The following RPL3 variants were observed in gnomAD, a reference collection of about 807,000 sequenced individuals.
RPL3 encodes the protein large ribosomal subunit protein uL3.
A neutral mutation model predicts 46.0 loss-of-function variants in RPL3; 3 were observed. That is an observed-to-expected ratio of 0.07 (90% confidence interval 0.03 to 0.17). The LOEUF is 0.17. Among genes scored for constraint, RPL3 ranks in the 10% least tolerant of loss-of-function variants. The pLI is 1.00. For synonymous variants in RPL3, 224 were observed against 190.8 expected, an observed-to-expected ratio of 1.17 and a Z score of -1.43; for missense variants, 387 against 532.7, an observed-to-expected ratio of 0.73 and a Z score of 2.69.
chr22:39,316,341 T>G (rs529269870), intron 4 of RPL3, among the ~76,000 whole-genome samples: 133 of 152,194 alleles, frequency 8.7e-4, no homozygotes, highest in African/African-American at 3.0e-3. Flanking sequence ...TCATCCGTGG[T>G]GGCCCTCACC....
At chr22:39,314,876 G>T (rs756774624) in intron 5 of RPL3, 30 bp from the exon 6 acceptor site, 4 of 1,602,264 alleles carry the variant, frequency 2.5e-6, no homozygotes, top group Non-Finnish European at 3.4e-6. Flanking sequence ...CTTCACCTCA[G>T]CGCCCAGCAC....
intron 1 of RPL3, 183 bp downstream of exon 1, chr22:39,319,412 C>T (rs1922911235): frequency 1.2e-6 from 1 of 822,180 alleles, no homozygotes; most frequent in Non-Finnish European, 2.0e-6. Flanking sequence ...AGCCAGTCCT[C>T]CAAGCGCTCT....
In RPL3 at chr22:39,317,313, T is replaced by C; in HGVS notation, c.365+148A>G. On this transcript the variant is annotated intron_variant, in intron 3 of 9. Transcript: ENST00000216146. ...AAACCAGATGGCTGGCCAAGTCTGATCCCAGGTATTTTTCTGTTCGAGAGG... is the reference window on the plus strand; with the variant it reads ...AAACCAGATGGCTGGCCAAGTCTGACCCCAGGTATTTTTCTGTTCGAGAGG... The C allele has an allele frequency of 3.4e-6, 3 of 890,288 alleles. No homozygotes were observed. In the East Asian group the frequency reaches 7.9e-5, roughly 24 times the overall value. 55.1% of individuals were successfully genotyped at this position (890,288 alleles called of 1,614,324 possible).
Position 39,317,550 on chromosome 22 carries a change from G to A in RPL3, c.276C>T (p.Tyr92=), listed in dbSNP as rs1462852890. ...PPMVVVGIVG[Y]VETPRGLRTF... is the part of the protein sequence containing the mutation. ...TCCGGAGGCCTCGAGGGGTTTCCAC[G>A]TAGCCCACAATGCCCACAACCACCA... is the stretch of plus-strand genomic sequence containing the variant. The change falls in exon 3 of 10, where the codon TAC becomes TAT. Residue 92 remains tyrosine, a synonymous_variant. Coordinates refer to ENST00000216146, the MANE Select transcript of RPL3 (RefSeq NM_000967.4). 3.7e-6 allele frequency: 6 copies of A among 1,613,888 alleles called. No homozygotes were observed. Among genetic ancestry groups the A allele is most frequent in the African/African-American group, 1.3e-5 (1 of 74,998 alleles).
rs1286572150 is a variant in RPL3, at chr22:39,316,849, A to G, written c.366-8T>C. 1 of 1,613,654 alleles carries G rather than the reference A, an allele frequency of 6.2e-7. No homozygotes were observed. The highest frequency in any genetic ancestry group is 1.1e-5 in the South Asian group (1 of 91,076). On this transcript the variant is annotated splice_polypyrimidine_tract_variant and splice_region_variant and intron_variant, in intron 3 of 9. Transcript: ENST00000216146. Reference sequence around the variant, plus strand: ...TTCTTCTTAGATTTATGCCTTCAGGAGCAGAGCAGAGTTGGGGAGGGGACC... The same window carrying G: ...TTCTTCTTAGATTTATGCCTTCAGGGGCAGAGCAGAGTTGGGGAGGGGACC...
chr22:39,317,876 C>G lies in RPL3; in HGVS notation c.197-247G>C, dbSNP rs73887463. The G allele has an allele frequency of 9.9e-4, 500 of 505,160 alleles. 3 individuals are homozygous for G. Among genetic ancestry groups the G allele is most frequent in the African/African-American group, 8.8e-3 (462 of 52,586 alleles). 31.3% of individuals were successfully genotyped at this position (505,160 alleles called of 1,614,324 possible). A position where few individuals can be genotyped will look rare whatever the true frequency, so the allele number is the denominator to read the frequency against. On this transcript the variant is annotated intron_variant, in intron 2 of 9. Transcript: ENST00000216146. ...CAGCTTCAATTCTCTTCTACAGAAA[C>G]CTCTGGAGGCAGACAAGATTGCTAT...
At chr22:39,319,511 C>T (rs1252548352) in intron 1 of RPL3, 84 bp downstream of exon 1, 3 of 1,543,054 alleles carry the variant, frequency 1.9e-6, no homozygotes, top group African/African-American at 1.4e-5. Flanking sequence ...CCGGCGCCGG[C>T]CAAGACGGGA....
At chr22:39,317,312 A>T in intron 3 of RPL3, 149 bp downstream of exon 3, 4 of 888,126 alleles carry the variant, frequency 4.5e-6, no homozygotes, top group Non-Finnish European at 6.7e-6. Flanking sequence ...GCCAAGTCTG[A>T]TCCCAGGTAT....
rs1922773482 is a variant in RPL3, at chr22:39,317,451, C to T, written c.365+10G>A. On this transcript the variant is annotated intron_variant, in intron 3 of 9. Coordinates refer to ENST00000216146, the MANE Select transcript of RPL3 (RefSeq NM_000967.4). ...TCCCAAGCTAGGGACTGCATGGCCT[C>T]CTCCCTTACCAATTCTTATAGAAAC... is the stretch of plus-strand genomic sequence containing the variant. 1 of 1,611,850 alleles carries T rather than the reference C, an allele frequency of 6.2e-7. No individual in the cohort carries two copies. Among genetic ancestry groups the T allele is most frequent in the East Asian group, 2.2e-5 (1 of 44,808 alleles).
At chr22:39,318,073 G>T (rs1331824637) in intron 2 of RPL3, 2 of 369,902 alleles carry the variant, frequency 5.4e-6, no homozygotes, top group East Asian at 1.2e-4. Flanking sequence ...AAAAAAACAT[G>T]AATGAGGCAG....
In RPL3 at chr22:39,316,863, G is replaced by A. The variant is rs1425395404; in HGVS notation, c.366-22C>T. Reference sequence around the variant, plus strand: ...ATGCCTTCAGGAGCAGAGCAGAGTTGGGGAGGGGACCAGGTGCAGGCCTTC... The same window carrying A: ...ATGCCTTCAGGAGCAGAGCAGAGTTAGGGAGGGGACCAGGTGCAGGCCTTC... On this transcript the variant is annotated intron_variant, in intron 3 of 9. Coordinates refer to ENST00000216146, the MANE Select transcript of RPL3 (RefSeq NM_000967.4). The A allele has an allele frequency of 1.9e-6, 3 of 1,613,336 alleles. No individual in the cohort carries two copies. In the African/African-American group the frequency reaches 4.0e-5, roughly 22 times the overall value.
chr22:39,317,568 A>C lies in RPL3; in HGVS notation c.258T>G (p.Val86=), dbSNP rs1039938166. ...VTIVETPPMV[V]VGIVGYVETP... is the part of the protein sequence containing the mutation. ...TTTCCACGTAGCCCACAATGCCCAC[A>C]ACCACCATGGGTGGTGTCTCTACAA... The change falls in exon 3 of 10, where the codon GTT becomes GTG. Residue 86 remains valine, a synonymous_variant. Transcript: ENST00000216146. 6.2e-7 allele frequency: 1 copy of C among 1,613,890 alleles called. No individual in the cohort carries two copies.
Position 39,312,942 on chromosome 22 carries a change from A to G in RPL3, c.1210T>C (p.Ter404GlnextTer13). Residue 404 changes from the stop codon to glutamine (Q), a stop_lost, in exon 10 of 10, where the codon TAA becomes CAA. Transcript: ENST00000216146. Reference protein sequence around the residue: ...KDRIAKEEGA* With the variant: ...KDRIAKEEGAQ Reference sequence around the variant, plus strand: ...AACTGCAAAATCTGTTCCTGGCATTAAGCTCCTTCTTCCTTTGCAATTCGG... The same window carrying G: ...AACTGCAAAATCTGTTCCTGGCATTGAGCTCCTTCTTCCTTTGCAATTCGG... The G allele has an allele frequency of 6.2e-7, 1 of 1,614,126 alleles. No individual in the cohort carries two copies.
In RPL3 at chr22:39,317,617, T is replaced by C; in HGVS notation, c.209A>G (p.Lys70Arg). ...VDRPGSKVNK[K>R]EVVEAVTIVE... ...AATGGTCACAGCCTCCACCACCTCC[T>C]TCTTGTTCACCTCTGCAAAAAAAAA... Residue 70 changes from lysine to arginine, a missense_variant, in exon 3 of 10, where the codon AAG becomes AGG. Physicochemically the swap from Lys to Arg is conservative, Grantham distance 26 (BLOSUM62 2). Coordinates refer to ENST00000216146, the MANE Select transcript of RPL3 (RefSeq NM_000967.4). 1 of 1,613,654 alleles carries C rather than the reference T, an allele frequency of 6.2e-7. No homozygotes were observed. The highest frequency in any genetic ancestry group is 8.5e-7 in the Non-Finnish European group (1 of 1,179,658).
rs1328334281 is a variant in RPL3, at chr22:39,312,896, A to G, written c.*44T>C. The G allele has an allele frequency of 8.1e-6, 13 of 1,611,462 alleles. No homozygotes were observed. The highest frequency in any genetic ancestry group is 1.0e-5 in the Non-Finnish European group (12 of 1,177,724). Reference sequence around the variant, plus strand: ...AAGAGGCAAGATGTCAGTGGAAAATAACTTTTATTGAGACCCCACCAACTG... The same window carrying G: ...AAGAGGCAAGATGTCAGTGGAAAATGACTTTTATTGAGACCCCACCAACTG... On this transcript the variant is annotated 3_prime_UTR_variant, in exon 10 of 10. Transcript: ENST00000216146.
In RPL3 at chr22:39,315,424, A is replaced by G. The variant is rs373627673; in HGVS notation, c.633T>C (p.Phe211=). 8.7e-6 allele frequency: 14 copies of G among 1,613,816 alleles called. No homozygotes were observed. Among genetic ancestry groups the G allele is most frequent in the East Asian group, 2.2e-5 (1 of 44,898 alleles). The part of the protein sequence containing the change: ...LEQQVPVNQV[F]GQDEMIDVIG... ...TGACGTCGATCATCTCATCCTGCCC[A>G]AACACTTGGTTCACAGGTACCTGCT... Residue 211 remains phenylalanine (F), a synonymous_variant, in exon 5 of 10, where the codon TTT becomes TTC. Coordinates refer to ENST00000216146, the MANE Select transcript of RPL3 (RefSeq NM_000967.4).
intron 3 of RPL3, chr22:39,317,145 A>C (rs1219907864): frequency 1.7e-6 from 1 of 581,624 alleles, no homozygotes; most frequent in Non-Finnish European, 3.1e-6. Context: ...CATTCCACCC[A>C]GGGCCAGAGG....
chr22:39,315,151 CAGGAA>C, intron 5 of RPL3: 1 of 827,838 alleles, frequency 1.2e-6, no homozygotes, highest in Non-Finnish European at 2.1e-6. Flanking sequence ...GCAAAGGGTC[CAGGAA>C]CGTGTTAAGA....
In RPL3 at chr22:39,312,994, G is replaced by C. The variant is rs774957753; in HGVS notation, c.1168-10C>G. The stretch of plus-strand genomic sequence containing the variant: ...CTTTCTTCAGTGGTCCCTGTGGGGA[G>C]AGAGGCAGTGGTCAGAGGTAGAAGA... On this transcript the variant is annotated splice_polypyrimidine_tract_variant and intron_variant, in intron 9 of 9. Transcript: ENST00000216146. 7 of 1,613,930 alleles carry C rather than the reference G, an allele frequency of 4.3e-6. No individual in the cohort carries two copies. The highest frequency in any genetic ancestry group is 2.2e-5 in the East Asian group (1 of 44,890).
Sources: gnomAD v4.1 joint callset for allele counts (sites outside exome capture counted in the v4.1 genomes callset) on GRCh38, gnomAD v4.1.1 for gene constraint, MANE v1.5 for transcripts, NCBI Gene and HGNC (gene_info 2026-07-23, HGNC 2026-07-21) for gene names.